CDH18: variants seen among roughly 807,000 people sequenced by gnomAD.
The protein encoded by CDH18 is cadherin 18, also known as cadherin-18.
Under a neutral mutation model 67.9 loss-of-function variants are expected in CDH18, and 31 were observed. The ratio of observed to expected loss-of-function variants is 0.46; its 90% CI spans 0.34 to 0.62. CDH18 has a LOEUF of 0.62. Ranked by LOEUF, CDH18 falls within the 20% of genes least tolerant of loss-of-function variation. The probability of loss-of-function intolerance (pLI) is 0.01; values close to 1 mark genes in which losing one functional copy is unlikely to be tolerated. For synonymous variants in CDH18, 362 were observed against 347.2 expected, an observed-to-expected ratio of 1.04 and a Z score of -0.48; for missense variants, 890 against 975.5, an observed-to-expected ratio of 0.91 and a Z score of 1.17.
chr5:20,534,622 A>C (rs949222680), intron 1 of CDH18, among the ~76,000 whole-genome samples: 1 of 152,028 alleles, frequency 6.6e-6, no homozygotes, highest in Admixed American at 6.6e-5. Context: ...ACTTTGATTG[A>C]AACAGATCTA....
chr5:19,525,098 A>G (rs1361598253), intron 9 of CDH18, among the ~76,000 whole-genome samples: 8 of 152,182 alleles, frequency 5.3e-5, no homozygotes, highest in Non-Finnish European at 1.5e-5. Context: ...CCAGTGAAGT[A>G]AGAAACTGTG....
At chr5:20,211,745 C>T (rs968214996) in intron 2 of CDH18, among the ~76,000 whole-genome samples, 5 of 152,088 alleles carry the variant, frequency 3.3e-5, no homozygotes, top group Non-Finnish European at 5.9e-5. Context: ...AAAAGGACAT[C>T]CACACCAAAA....
chr5:19,932,052 T>C lies in CDH18; in HGVS notation c.-257+49008A>G, dbSNP rs148892217. The stretch of plus-strand genomic sequence containing the variant: ...AGTACATTTTTTATAAGAAGTTAAA[T>C]TTATTGAAAGAACATGTATGAACTA... On this transcript the variant is annotated intron_variant, in intron 2 of 12. Transcript: ENST00000382275. Among the ~76,000 whole-genome samples the C allele has an allele frequency of 2.2e-3, 327 of 151,998 alleles. 1 individual carries two copies. The highest frequency in any genetic ancestry group is 7.7e-3 in the African/African-American group (318 of 41,550).
At chr5:20,013,789 T>A (rs957925101) in intron 2 of CDH18, among the ~76,000 whole-genome samples, 1 of 152,110 alleles carries the variant, frequency 6.6e-6, no homozygotes, top group Non-Finnish European at 1.5e-5. Flanking sequence ...CATCACCATA[T>A]TATCGTAAGT....
At chr5:19,938,187 A>C (rs1794474923) in intron 2 of CDH18, among the ~76,000 whole-genome samples, 1 of 150,788 alleles carries the variant, frequency 6.6e-6, no homozygotes, top group Non-Finnish European at 1.5e-5. Flanking sequence ...TGTTTCATGG[A>C]AACTTGTGAA....
intron 1 of CDH18, among the ~76,000 whole-genome samples, chr5:20,380,310 T>C (rs1218407379): frequency 6.6e-6 from 1 of 152,168 alleles, no homozygotes; most frequent in East Asian, 1.9e-4. Context: ...GATCCTAAAC[T>C]TCATTTCTCT....
intron 2 of CDH18, among the ~76,000 whole-genome samples, chr5:19,882,017 T>C (rs982457483): frequency 6.6e-5 from 10 of 152,134 alleles, no homozygotes; most frequent in Non-Finnish European, 1.5e-4. Context: ...TCGACTTAGA[T>C]GATGTCACAT....
chr5:19,664,816 C>G (rs1204302809), intron 5 of CDH18, among the ~76,000 whole-genome samples: 1 of 151,908 alleles, frequency 6.6e-6, no homozygotes, highest in African/African-American at 2.4e-5. Context: ...TTTTAGAGCT[C>G]TTAAAACTAA....
intron 3 of CDH18, among the ~76,000 whole-genome samples, chr5:19,765,049 T>A (rs1482620967): frequency 6.6e-6 from 1 of 152,204 alleles, no homozygotes; most frequent in Non-Finnish European, 1.5e-5. Context: ...CCTGACCATC[T>A]CTCATGTCTC....
intron 1 of CDH18, among the ~76,000 whole-genome samples, chr5:20,294,411 A>G (rs992290097): frequency 1.1e-4 from 17 of 152,214 alleles, no homozygotes; most frequent in African/African-American, 4.1e-4. Flanking sequence ...CTGTTTGTTA[A>G]TGCGATTGGT....
At chr5:19,834,272 G>A (rs1435297364) in intron 3 of CDH18, among the ~76,000 whole-genome samples, 1 of 151,814 alleles carries the variant, frequency 6.6e-6, no homozygotes, top group African/African-American at 2.4e-5. Flanking sequence ...ATACATCCAG[G>A]AATTTATCCA....
chr5:19,727,484 C>T (rs915585139), intron 4 of CDH18, among the ~76,000 whole-genome samples: 1 of 152,152 alleles, frequency 6.6e-6, no homozygotes, highest in Non-Finnish European at 1.5e-5. Context: ...AGCTGTGAAA[C>T]AGGTCACTTC....
rs70954659 is a variant in CDH18, at chr5:20,471,833, T to TAAAAA, written c.-580+103624_-580+103628dup. On this transcript the variant is annotated intron_variant, in intron 1 of 14. Coordinates refer to the CDH18 transcript ENST00000507958. ...CTGGGCAACAGATCGAGATTCAGTC[T>TAAAAA]AAAAAAAAAAAAAAAAAAGCAAAAG... 3.9e-5 allele frequency among the ~76,000 whole-genome samples: 2 copies of TAAAAA among 51,500 alleles called. 1 individual carries two copies. The highest frequency in any genetic ancestry group is 1.3e-4 in the African/African-American group (2 of 15,480). 33.8% of individuals were successfully genotyped at this position (51,500 alleles called of 152,430 possible).
intron 2 of CDH18, among the ~76,000 whole-genome samples, chr5:20,110,095 G>A (rs142554444): frequency 0.013 from 2,028 of 152,238 alleles, 23 homozygotes; most frequent in Non-Finnish European, 0.02. Flanking sequence ...CCCTCTACAT[G>A]CCTTTGAAAA....
At chr5:20,364,880 T>C (rs1742385132) in intron 1 of CDH18, among the ~76,000 whole-genome samples, 1 of 152,206 alleles carries the variant, frequency 6.6e-6, no homozygotes, top group Admixed American at 6.5e-5. Flanking sequence ...TTAAGTTTGA[T>C]AAAGAATAAA....
At chr5:19,474,051 A>G (rs1738030620) in intron 12 of CDH18, among the ~76,000 whole-genome samples, 1 of 152,164 alleles carries the variant, frequency 6.6e-6, no homozygotes, top group Admixed American at 6.6e-5. Context: ...CACATGATGA[A>G]AAAATAATAT....
At chr5:20,214,678 T>TA (rs199794952) in intron 2 of CDH18, among the ~76,000 whole-genome samples, 1 of 151,848 alleles carries the variant, frequency 6.6e-6, no homozygotes, top group Non-Finnish European at 1.5e-5. Context: ...TTAAACCATA[T>TA]AAAAAATCAA....
chr5:20,363,152 G>A (rs898450683), intron 1 of CDH18, among the ~76,000 whole-genome samples: 1 of 152,252 alleles, frequency 6.6e-6, no homozygotes, highest in Admixed American at 6.5e-5. Context: ...TATACAAATA[G>A]TTCCAAATGC....
intron 2 of CDH18, among the ~76,000 whole-genome samples, chr5:19,849,850 A>G (rs1294069323): frequency 6.6e-6 from 1 of 151,092 alleles, no homozygotes; most frequent in East Asian, 1.9e-4. Context: ...ACTCCACTAG[A>G]TGCTTAAAAC....
Sources: allele counts gnomAD v4.1 joint callset (sites outside exome capture counted in the v4.1 genomes callset), GRCh38; gene constraint gnomAD v4.1.1; transcripts MANE v1.5; gene names NCBI Gene and HGNC (gene_info 2026-07-23, HGNC 2026-07-21).